UMODL1: variants seen among roughly 807,000 people sequenced by gnomAD.
The protein encoded by UMODL1 is uromodulin like 1, also known as uromodulin-like 1.
Under a neutral mutation model 136.3 loss-of-function variants are expected in UMODL1, and 128 were observed. The ratio of observed to expected loss-of-function variants is 0.94; its 90% CI spans 0.81 to 1.09. UMODL1 has a LOEUF of 1.09. Ranked by LOEUF, UMODL1 falls within the 50% of genes least tolerant of loss-of-function variation. UMODL1 has a pLI of 0.00. For synonymous variants in UMODL1, 721 were observed against 720.0 expected, an observed-to-expected ratio of 1.00 and a Z score of -0.02; for missense variants, 1,766 against 1,725.6, an observed-to-expected ratio of 1.02 and a Z score of -0.41.
intron 7 of UMODL1, among the ~76,000 whole-genome samples, chr21:42,100,306 C>T (rs1379743476): frequency 1.3e-5 from 2 of 152,118 alleles, no homozygotes; most frequent in Non-Finnish European, 2.9e-5. Context: ...CATACTGGGG[C>T]CTTTCTCACT....
chr21:42,126,873 T>A (rs2067062874), intron 18 of UMODL1, 133 bp from the exon 19 acceptor site: 1 of 808,428 alleles, frequency 1.2e-6, no homozygotes, highest in African/African-American at 1.7e-5. Context: ...TGCTCTCGTT[T>A]GGGGTTGAGG....
intron 1 of UMODL1, among the ~76,000 whole-genome samples, chr21:42,074,000 C>T (rs994094930): frequency 1.3e-5 from 2 of 152,196 alleles, no homozygotes; most frequent in African/African-American, 2.4e-5. Flanking sequence ...CTAGGTGCCA[C>T]GGGGGAGCTG....
intron 5 of UMODL1, among the ~76,000 whole-genome samples, chr21:42,089,797 C>T (rs1323488000): frequency 1.3e-5 from 2 of 152,202 alleles, no homozygotes; most frequent in African/African-American, 4.8e-5. Flanking sequence ...GTGGGTGACA[C>T]ATGAGCTTAT....
rs1243464728 is a variant in UMODL1, at chr21:42,111,515, A to G, written c.1909A>G (p.Asn637Asp). The G allele has an allele frequency of 1.2e-6, 2 of 1,613,802 alleles. No homozygotes were observed. Among genetic ancestry groups the G allele is most frequent in the Non-Finnish European group, 1.7e-6 (2 of 1,179,768 alleles). ...GKGVEQELQGNSIMEPPSWPS... is the reference protein window; with the variant it reads ...GKGVEQELQGDSIMEPPSWPS... Reference sequence around the variant, plus strand: ...GGCCCTCCCTGGACAGCTACAGGGAAACTCCATCATGGAGCCACCCTCCTG... The same window carrying G: ...GGCCCTCCCTGGACAGCTACAGGGAGACTCCATCATGGAGCCACCCTCCTG... Residue 637 changes from asparagine (N) to aspartate (D), a missense_variant, in exon 12 of 23, where the codon AAC becomes GAC. Coordinates refer to ENST00000408910, the MANE Select transcript of UMODL1 (RefSeq NM_001004416.3).
At chr21:42,080,247 G>A (rs541873349) in intron 2 of UMODL1, among the ~76,000 whole-genome samples, 99 of 152,350 alleles carry the variant, frequency 6.5e-4, no homozygotes, top group African/African-American at 2.1e-3. Context: ...GTTGAGCACC[G>A]TGACTCTGAT....
chr21:42,126,299 G>A (rs762280669), intron 17 of UMODL1, 46 bp from the exon 18 acceptor site: 2 of 1,609,648 alleles, frequency 1.2e-6, no homozygotes, highest in African/African-American at 1.3e-5. Context: ...GGGCGTGGGG[G>A]GCCGGCTGGG....
chr21:42,125,848 G>T (rs991446109), intron 17 of UMODL1, among the ~76,000 whole-genome samples: 7 of 152,226 alleles, frequency 4.6e-5, no homozygotes, highest in Non-Finnish European at 8.8e-5. Flanking sequence ...CCACACAGCG[G>T]CAGCTCCAGT....
chr21:42,089,505 A>C (rs1241905135), intron 5 of UMODL1, among the ~76,000 whole-genome samples: 4 of 152,252 alleles, frequency 2.6e-5, no homozygotes, highest in African/African-American at 9.6e-5. Flanking sequence ...CGAGGCAGCG[A>C]GGGAGAACCC....
At chr21:42,136,521 G>A (rs982189203) in intron 21 of UMODL1, among the ~76,000 whole-genome samples, 8 of 152,116 alleles carry the variant, frequency 5.3e-5, no homozygotes, top group East Asian at 1.9e-4. Context: ...GTTCATTTAC[G>A]TTGCAGTGGG....
At chr21:42,066,532 C>T (rs759403260), upstream of UMODL1, among the ~76,000 whole-genome samples, 1 of 152,202 alleles carries the variant, frequency 6.6e-6, no homozygotes, top group Non-Finnish European at 1.5e-5. Flanking sequence ...GCGATCTGCC[C>T]AGCTCAGCCT....
chr21:42,125,824 G>T (rs1285275919), intron 17 of UMODL1, among the ~76,000 whole-genome samples: 2 of 152,216 alleles, frequency 1.3e-5, no homozygotes, highest in African/African-American at 4.8e-5. Flanking sequence ...CCTGCCTGGT[G>T]CTCAGATCGC....
At chr21:42,109,265 G>A (rs1373634319) in intron 9 of UMODL1, among the ~76,000 whole-genome samples, 2 of 152,204 alleles carry the variant, frequency 1.3e-5, no homozygotes, top group Admixed American at 6.5e-5. Context: ...AACATTTCAA[G>A]TTTTGGGTGT....
At position 42,099,134 on chromosome 21, in the gene UMODL1, C is replaced by T. The variant is rs1473402440; in HGVS notation, c.1140C>T (p.Tyr380=). ...AGVLYRVKTS[Y]QGCGADVSTT... is the part of the protein sequence containing the mutation. ...TGCTGTACAGGGTGAAGACCAGCTA[C>T]CAGGGGTGCGGGGCCGACGTCTCCA... The change falls in exon 7 of 23, where the codon TAC becomes TAT. Residue 380 remains tyrosine, a synonymous_variant. Transcript: ENST00000408910. This position sits in a 1 kb window ranked among gnomAD's most constrained non-coding sequence, Gnocchi z 4.1. 1 of 1,613,640 alleles carries T rather than the reference C, an allele frequency of 6.2e-7. No individual in the cohort carries two copies. The highest frequency in any genetic ancestry group is 8.5e-7 in the Non-Finnish European group (1 of 1,180,016).
intron 13 of UMODL1, 147 bp downstream of exon 13, chr21:42,113,977 G>T: frequency 8.4e-7 from 1 of 1,186,772 alleles, no homozygotes; most frequent in Non-Finnish European, 1.2e-6. Context: ...GCTGGCTTCA[G>T]CAGGCGTGCA....
chr21:42,133,038 A>G (rs2067154270), intron 21 of UMODL1, among the ~76,000 whole-genome samples: 1 of 152,262 alleles, frequency 6.6e-6, no homozygotes, highest in Non-Finnish European at 1.5e-5. Context: ...AAGGACTGTA[A>G]ATATTCATGT....
Position 42,095,089 on chromosome 21 carries a change from G to GTTTTTT in UMODL1, c.932-3819_932-3814dup, listed in dbSNP as rs58764222. 8.0e-4 allele frequency among the ~76,000 whole-genome samples: 49 copies of GTTTTTT among 61,200 alleles called. 10 individuals are homozygous for GTTTTTT. The highest frequency in any genetic ancestry group is 7.7e-3 in the East Asian group (14 of 1,816). 40.1% of individuals were successfully genotyped at this position (61,200 alleles called of 152,430 possible). A position where few individuals can be genotyped will look rare whatever the true frequency, so the allele number is the denominator to read the frequency against. ...CATCACTCCTTTGTTTTCTTCTGCT[G>GTTTTTT]TTTTTTTTTTTTTTTTTTTTTTTGA... On this transcript the variant is annotated intron_variant, in intron 6 of 22. Transcript: ENST00000408910.
At chr21:42,080,262 A>G (rs561753681) in intron 2 of UMODL1, among the ~76,000 whole-genome samples, 2 of 152,340 alleles carry the variant, frequency 1.3e-5, no homozygotes, top group East Asian at 3.9e-4. Flanking sequence ...TCTGATTTGT[A>G]CAGAACGAAG....
chr21:42,118,193 A>T (rs1177176658), intron 14 of UMODL1, among the ~76,000 whole-genome samples: 1 of 152,204 alleles, frequency 6.6e-6, no homozygotes, highest in Non-Finnish European at 1.5e-5. Flanking sequence ...TTCCTCTGAG[A>T]GAAAGAGAGA....
intron 9 of UMODL1, among the ~76,000 whole-genome samples, chr21:42,107,208 G>A (rs1273312995): frequency 6.6e-6 from 1 of 152,216 alleles, no homozygotes; most frequent in Non-Finnish European, 1.5e-5. Context: ...TTGTTCTAGA[G>A]TGAGGGTCAT....
Sources: allele counts gnomAD v4.1 joint callset (sites outside exome capture counted in the v4.1 genomes callset), GRCh38; gene constraint gnomAD v4.1.1; non-coding constraint Gnocchi (gnomAD v3.1); transcripts MANE v1.5; gene names NCBI Gene and HGNC (gene_info 2026-07-23, HGNC 2026-07-21).